The following DAD1 variants were observed in gnomAD, a reference collection of about 807,000 sequenced individuals.
DAD1 encodes defender against cell death 1, also known as dolichyl-diphosphooligosaccharide--protein glycosyltransferase subunit DAD1.
Under a neutral mutation model 9.0 loss-of-function variants are expected in DAD1, and 4 were observed. The ratio of observed to expected loss-of-function variants is 0.44; its 90% CI spans 0.22 to 1.01. The LOEUF is 1.01. Among genes scored for constraint, DAD1 ranks in the 50% least tolerant of loss-of-function variants. DAD1 has a pLI of 0.24. For synonymous variants in DAD1, 60 were observed against 62.5 expected (o/e 0.96, Z 0.19); for missense variants, 119 against 137.3 (o/e 0.87, Z 0.67).
At position 22,577,555 on chromosome 14, in the gene DAD1, C is replaced by T. The variant is rs568886517; in HGVS notation, c.212-2322G>A. Among the ~76,000 whole-genome samples, 21 of 152,222 alleles carry T rather than the reference C, an allele frequency of 1.4e-4. No homozygotes were observed. The South Asian group carries it at 2.5e-3, about 18-fold the overall frequency. ...AGCAGCCCAAGTGTCAGCAGAAGAA[C>T]GGATAAGCAAAGTGTGATGTATACA... On this transcript the variant is annotated intron_variant, in intron 1 of 2. Coordinates refer to ENST00000250498, the MANE Select transcript of DAD1 (RefSeq NM_001344.4).
intron 1 of DAD1, among the ~76,000 whole-genome samples, chr14:22,578,960 G>C (rs1193652007): frequency 1.3e-5 from 2 of 152,158 alleles, no homozygotes; most frequent in African/African-American, 4.8e-5. Flanking sequence ...CAACAACAAA[G>C]GGTCCGGGCT....
At chr14:22,585,423 A>G (rs1566375091) in intron 1 of DAD1, among the ~76,000 whole-genome samples, 1 of 152,252 alleles carries the variant, frequency 6.6e-6, no homozygotes, top group Non-Finnish European at 1.5e-5. Flanking sequence ...ACACTGGAAT[A>G]TAACTCTAAA....
chr14:22,573,672 T>G (rs1333106454), intron 2 of DAD1, among the ~76,000 whole-genome samples: 1 of 107,804 alleles, frequency 9.3e-6, no homozygotes, highest in African/African-American at 5.1e-5. Flanking sequence ...ATCGCACCAC[T>G]GCACTCCAGC....
chr14:22,575,136 G>T lies in DAD1; in HGVS notation c.309C>A (p.Ile103=). ...AFADFLFAST[I]LHLVVMNFVG ...CAAAGTTCATGACAACAAGGTGCAG[G>T]ATGGTGCTGGCAAAGAGAAAATCAG... The change falls in exon 2 of 3, where the codon ATC becomes ATA. Residue 103 remains isoleucine (I), a synonymous_variant. Transcript: ENST00000250498. 6.2e-6 allele frequency: 10 copies of T among 1,614,186 alleles called. No homozygotes were observed. The highest frequency in any genetic ancestry group is 1.7e-4 in the Middle Eastern group (1 of 6,060).
chr14:22,570,979 A>G (rs191495537), intron 2 of DAD1, among the ~76,000 whole-genome samples: 3 of 148,534 alleles, frequency 2.0e-5, no homozygotes, highest in Admixed American at 6.7e-5. Context: ...TTTCCTCATT[A>G]CCCTTCAGAA....
chr14:22,583,224 G>C (rs2037129845), intron 1 of DAD1, among the ~76,000 whole-genome samples: 1 of 150,294 alleles, frequency 6.7e-6, no homozygotes. Context: ...TAGGTATACA[G>C]GTGTTATTTA....
chr14:22,578,252 TAA>T (rs71115559), intron 1 of DAD1, among the ~76,000 whole-genome samples: 19,905 of 140,142 alleles, frequency 0.14, 1,380 homozygotes, highest in Middle Eastern at 0.21. Flanking sequence ...AAACTCCATC[TAA>T]AAAAAAAAAA....
intron 2 of DAD1, among the ~76,000 whole-genome samples, chr14:22,567,874 G>C (rs750668088): frequency 1.3e-5 from 2 of 152,116 alleles, no homozygotes; most frequent in African/African-American, 2.4e-5. Context: ...AGAAACATTT[G>C]AGATAGCCGG....
At chr14:22,584,565 A>C (rs536272670) in intron 1 of DAD1, among the ~76,000 whole-genome samples, 2 of 150,914 alleles carry the variant, frequency 1.3e-5, no homozygotes, top group African/African-American at 4.9e-5. Flanking sequence ...ACAGTAACAA[A>C]AAAAAAAGGA....
rs186615381 is a variant in DAD1, at chr14:22,579,241, T to A, written c.212-4008A>T. Among the ~76,000 whole-genome samples the A allele has an allele frequency of 8.1e-4, 122 of 149,784 alleles. 1 individual carries two copies. Among genetic ancestry groups the A allele is most frequent in the African/African-American group, 2.6e-3 (106 of 40,828 alleles). Reference sequence around the variant, plus strand: ...TTGACAAAAAAAAAAAAACAGGCAGTTCCAGGAATACACTCTTCCGAAGTA... The same window carrying A: ...TTGACAAAAAAAAAAAAACAGGCAGATCCAGGAATACACTCTTCCGAAGTA... On this transcript the variant is annotated intron_variant, in intron 1 of 2. Transcript: ENST00000250498.
At chr14:22,577,901 T>C (rs186304722) in intron 1 of DAD1, among the ~76,000 whole-genome samples, 49 of 152,298 alleles carry the variant, frequency 3.2e-4, no homozygotes, top group East Asian at 9.7e-4. Flanking sequence ...GCCACAGAAC[T>C]ATACACTTAA....
intron 1 of DAD1, among the ~76,000 whole-genome samples, chr14:22,582,432 G>A (rs1224967112): frequency 6.7e-6 from 1 of 148,904 alleles, no homozygotes; most frequent in Admixed American, 6.7e-5. Context: ...GCTGAGGCAG[G>A]AGAATGGCGT....
intron 1 of DAD1, among the ~76,000 whole-genome samples, chr14:22,580,574 T>C (rs888242571): frequency 2.0e-5 from 3 of 151,702 alleles, no homozygotes; most frequent in African/African-American, 7.3e-5. Context: ...TTTGAGGAAA[T>C]ATGAGGGAAA....
intron 1 of DAD1, among the ~76,000 whole-genome samples, chr14:22,579,193 C>T (rs1015132974): frequency 6.7e-6 from 1 of 149,636 alleles, no homozygotes; most frequent in African/African-American, 2.5e-5. Flanking sequence ...ACTCCATCCC[C>T]TTGAAGATTC....
chr14:22,589,070 A>T lies in DAD1; in HGVS notation c.88T>A (p.Tyr30Asn). 1.9e-6 allele frequency: 3 copies of T among 1,614,254 alleles called. No individual in the cohort carries two copies. The highest frequency in any genetic ancestry group is 2.5e-6 in the Non-Finnish European group (3 of 1,180,040). Residue 30 changes from tyrosine (Y) to asparagine (N), a missense_variant, in exon 1 of 3, where the codon TAC becomes AAC. Tyr to Asn is a moderately radical substitution (Grantham distance 143). Coordinates refer to ENST00000250498, the MANE Select transcript of DAD1 (RefSeq NM_001344.4). Reference protein sequence around the residue: ...TPQRLKLLDAYLLYILLTGAL... With the variant: ...TPQRLKLLDANLLYILLTGAL... The stretch of plus-strand genomic sequence containing the variant: ...CCGGTCAGCAGTATATACAGCAGGT[A>T]CGCGTCCAGCAACTTCAGACGCTGC...
Position 22,589,200 on chromosome 14 carries a change from AG to A in DAD1, c.-44del. Reference sequence around the variant, plus strand: ...TCCGGTCCGCGCCCCAAACTCTTGGAGGACCCGTCGACCACACCGGATGTGC... The same window carrying A: ...TCCGGTCCGCGCCCCAAACTCTTGGAGACCCGTCGACCACACCGGATGTGC... On this transcript the variant is annotated 5_prime_UTR_variant, in exon 1 of 3. Transcript: ENST00000250498. 6.9e-6 allele frequency: 11 copies of A among 1,603,020 alleles called. No homozygotes were observed. The highest frequency in any genetic ancestry group is 9.4e-6 in the Non-Finnish European group (11 of 1,171,010).
intron 2 of DAD1, among the ~76,000 whole-genome samples, chr14:22,574,733 C>T (rs572968074): frequency 6.6e-6 from 1 of 152,162 alleles, no homozygotes; most frequent in Non-Finnish European, 1.5e-5. Context: ...ACTAACAAAT[C>T]TAAAGGCAAA....
In DAD1 at chr14:22,588,984, C is replaced by G; in HGVS notation, c.174G>C (p.Ser58=). The change falls in exon 1 of 3, where the codon TCG becomes TCC. Residue 58 remains serine (S), a synonymous_variant. Coordinates refer to ENST00000250498, the MANE Select transcript of DAD1 (RefSeq NM_001344.4). The stretch of plus-strand genomic sequence containing the variant: ...AACTCCCCACACAAGAGATGAAGCC[C>G]GAGAGAAAAGAGTTGAAGGGGAAGG... ...VGTFPFNSFL[S]GFISCVGSFI... 6.2e-7 allele frequency: 1 copy of G among 1,614,092 alleles called. No individual in the cohort carries two copies. The highest frequency in any genetic ancestry group is 8.5e-7 in the Non-Finnish European group (1 of 1,180,020).
At chr14:22,578,122 G>A (rs5742771) in intron 1 of DAD1, among the ~76,000 whole-genome samples, 16,588 of 151,738 alleles carry the variant, frequency 0.11, 944 homozygotes, top group South Asian at 0.16. Flanking sequence ...GCATGGTGGC[G>A]CATGCCTGTG....
Sources: allele counts gnomAD v4.1 joint callset (sites outside exome capture counted in the v4.1 genomes callset), GRCh38; gene constraint gnomAD v4.1.1; transcripts MANE v1.5; gene names NCBI Gene and HGNC (gene_info 2026-07-23, HGNC 2026-07-21).